The following CHRAC1 variants were observed in gnomAD, a reference collection of about 807,000 sequenced individuals.
CHRAC1 encodes chromatin accessibility complex protein 1.
Under a neutral mutation model 9.1 loss-of-function variants are expected in CHRAC1, and 6 were observed. That is an observed-to-expected ratio of 0.66 (90% confidence interval 0.36 to 1.29). The LOEUF is 1.29. Among genes scored for constraint, CHRAC1 ranks in the 50% most tolerant of loss-of-function variants. The pLI, the probability that CHRAC1 is intolerant of heterozygous loss-of-function variation, is 0.03. For missense variants in CHRAC1, 168 were observed against 163.5 expected, an observed-to-expected ratio of 1.03 and a Z score of -0.15; for synonymous variants, 73 against 64.5, an observed-to-expected ratio of 1.13 and a Z score of -0.63.
At chr8:140,512,016 C>T (rs1452507158) in intron 1 of CHRAC1, 3 of 1,286,076 alleles carry the variant, frequency 2.3e-6, no homozygotes, top group South Asian at 2.5e-5. Context: ...CGCTTCCATT[C>T]GGCAAACCCG....
chr8:140,513,414 A>G (rs1443669057), intron 1 of CHRAC1, among the ~76,000 whole-genome samples: 1 of 152,164 alleles, frequency 6.6e-6, no homozygotes, highest in Non-Finnish European at 1.5e-5. Flanking sequence ...GAATTTTTGA[A>G]TGGCTTTTTG....
intron 2 of CHRAC1, 60 bp downstream of exon 2, chr8:140,514,555 C>T: frequency 7.2e-7 from 1 of 1,388,984 alleles, no homozygotes; most frequent in South Asian, 1.5e-5. Flanking sequence ...GCTCTTTCCC[C>T]ACCCCTTGCC....
At chr8:140,511,933 C>T (rs1219335704) in intron 1 of CHRAC1, 7 of 1,241,908 alleles carry the variant, frequency 5.6e-6, no homozygotes, top group Admixed American at 2.3e-5. Flanking sequence ...CGCCTTCCTT[C>T]GCTCCGCCCG....
At chr8:140,514,197 C>T (rs1400675901) in intron 1 of CHRAC1, 172 bp from the exon 2 acceptor site, 28 of 645,114 alleles carry the variant, frequency 4.3e-5, no homozygotes, top group South Asian at 4.3e-4. Flanking sequence ...TGAGCCACCA[C>T]GCCTGGCCTC....
chr8:140,512,110 G>C, intron 1 of CHRAC1: 1 of 1,045,468 alleles, frequency 9.6e-7, no homozygotes, highest in South Asian at 1.4e-5. Context: ...CTCAGTTTCC[G>C]GCCCTACCCG....
At chr8:140,513,283 C>T (rs1478326379) in intron 1 of CHRAC1, among the ~76,000 whole-genome samples, 1 of 152,204 alleles carries the variant, frequency 6.6e-6, no homozygotes, top group Non-Finnish European at 1.5e-5. Context: ...GGTTGTATGT[C>T]AGTTCCTAGA....
Position 140,515,479 on chromosome 8 carries a change from C to G in CHRAC1, c.*232C>G. On this transcript the variant is annotated 3_prime_UTR_variant, in exon 3 of 3. Coordinates refer to ENST00000220913, the MANE Select transcript of CHRAC1 (RefSeq NM_017444.6). ...GACAGCAGCCCCTCCTCGACAGGCC[C>G]ACCCTGCAGCTCAGGCACCAAGAAA... The G allele has an allele frequency of 3.0e-6, 1 of 337,934 alleles. No homozygotes were observed. The highest frequency in any genetic ancestry group is 5.4e-6 in the Non-Finnish European group (1 of 186,906). The allele number at this position is 337,934 out of a possible 1,614,324, so 20.9% of individuals were successfully genotyped here.
chr8:140,513,956 G>C (rs139105306), intron 1 of CHRAC1, among the ~76,000 whole-genome samples: 995 of 98,764 alleles, frequency 0.01, 17 homozygotes, highest in African/African-American at 0.036. Context: ...AGTCTTGCTT[G>C]ATCACCCAGG....
At chr8:140,515,081 T>A in intron 2 of CHRAC1, 45 bp from the exon 3 acceptor site, 1 of 1,589,896 alleles carries the variant, frequency 6.3e-7, no homozygotes, top group Admixed American at 1.7e-5. Flanking sequence ...GCTGTGTTCA[T>A]AGTCTACCAT....
chr8:140,514,546 C>T (rs888937726), intron 2 of CHRAC1, 51 bp downstream of exon 2: 1 of 1,461,596 alleles, frequency 6.8e-7, no homozygotes, highest in African/African-American at 1.5e-5. Flanking sequence ...TAATCAATAG[C>T]TCTTTCCCCA....
chr8:140,515,095 C>T (rs369433034), intron 2 of CHRAC1, 31 bp from the exon 3 acceptor site: 4 of 1,602,830 alleles, frequency 2.5e-6, no homozygotes, highest in African/African-American at 2.7e-5. Context: ...CTACCATAAC[C>T]AATTGCTGAT....
intron 1 of CHRAC1, among the ~76,000 whole-genome samples, chr8:140,513,913 CTTTTTT>C (rs57880666): frequency 2.3e-5 from 2 of 87,468 alleles, no homozygotes; most frequent in African/African-American, 4.3e-5. Context: ...CCAGTGATTT[CTTTTTT>C]TTTTTTTTTT....
chr8:140,511,570 T>C lies in CHRAC1; in HGVS notation c.71T>C (p.Ile24Thr). The C allele has an allele frequency of 6.8e-7, 1 of 1,472,376 alleles. No homozygotes were observed. Among genetic ancestry groups the C allele is most frequent in the Non-Finnish European group, 9.1e-7 (1 of 1,104,380 alleles). 91.2% of individuals were successfully genotyped at this position (1,472,376 alleles called of 1,614,324 possible). ...QRLISLPLSR[I>T]RVIMKSSPEV... Reference sequence around the variant, plus strand: ...CTCATCTCGCTGCCTCTATCCCGCATCCGGGTCATCATGAAGAGCTCCCCC... The same window carrying C: ...CTCATCTCGCTGCCTCTATCCCGCACCCGGGTCATCATGAAGAGCTCCCCC... Residue 24 changes from isoleucine to threonine, a missense_variant, in exon 1 of 3, where the codon ATC becomes ACC. Coordinates refer to ENST00000220913, the MANE Select transcript of CHRAC1 (RefSeq NM_017444.6).
rs2072269082 is a variant in CHRAC1 at position 140,511,337 on chromosome 8, GT to G, written c.-160del. On this transcript the variant is annotated 5_prime_UTR_variant, in exon 1 of 3. Coordinates refer to ENST00000220913, the MANE Select transcript of CHRAC1 (RefSeq NM_017444.6). The stretch of plus-strand genomic sequence containing the variant: ...GGCGCGAGGCCTCACGGAGCTCGTA[GT>G]TTCCCGGACGGGCCGCTCCCGGCCT... 1 of 513,964 alleles carries G rather than the reference GT, an allele frequency of 1.9e-6. No homozygotes were observed. Among genetic ancestry groups the G allele is most frequent in the African/African-American group, 2.0e-5 (1 of 50,128 alleles). 31.8% of individuals were successfully genotyped at this position (513,964 alleles called of 1,614,324 possible). A position where few individuals can be genotyped will look rare whatever the true frequency, so the allele number is the denominator to read the frequency against.
intron 1 of CHRAC1, chr8:140,512,007 G>A: frequency 7.8e-7 from 1 of 1,286,454 alleles, no homozygotes; most frequent in Non-Finnish European, 1.0e-6. Flanking sequence ...TTTCTCTCGC[G>A]CTTCCATTCG....
chr8:140,515,038 A>G lies in CHRAC1; in HGVS notation c.275-88A>G. On this transcript the variant is annotated intron_variant, in intron 2 of 2. Transcript: ENST00000220913. ...GTTTTGGAACCTCTTATAGAGGTCA[A>G]AGCAGGAACTAGTACATTTTGAAAT... 2.3e-6 allele frequency: 3 copies of G among 1,324,734 alleles called. No individual in the cohort carries two copies. In the South Asian group the frequency reaches 4.1e-5, roughly 18 times the overall value. 82.1% of individuals were successfully genotyped at this position (1,324,734 alleles called of 1,614,324 possible).
Position 140,511,966 on chromosome 8 carries a change from T to C in CHRAC1, c.147+320T>C, listed in dbSNP as rs754175710. On this transcript the variant is annotated intron_variant, in intron 1 of 2. Transcript: ENST00000220913. ...CCGCCCCTTCCTTCCGTGCGCACCT[T>C]CGCCCCGCCCACCCCACTGTCCTCC... 5.3e-5 allele frequency: 69 copies of C among 1,293,712 alleles called. 1 individual carries two copies. The South Asian group carries it at 6.8e-4, about 13-fold the overall frequency. The allele number at this position is 1,293,712 out of a possible 1,614,324, so 80.1% of individuals were successfully genotyped here.
intron 1 of CHRAC1, among the ~76,000 whole-genome samples, chr8:140,513,913 CTTTT>C (rs57880666): frequency 5.8e-3 from 504 of 87,386 alleles, no homozygotes; most frequent in Admixed American, 9.3e-3. Flanking sequence ...CCAGTGATTT[CTTTT>C]TTTTTTTTTT....
intron 1 of CHRAC1, 79 bp downstream of exon 1, chr8:140,511,725 C>A: frequency 8.3e-7 from 1 of 1,204,880 alleles, no homozygotes. Flanking sequence ...CTGCCCAGTC[C>A]CCTTAGGCCC....
Sources: allele counts gnomAD v4.1 joint callset (sites outside exome capture counted in the v4.1 genomes callset), GRCh38; gene constraint gnomAD v4.1.1; transcripts MANE v1.5; gene names NCBI Gene and HGNC (gene_info 2026-07-23, HGNC 2026-07-21).